The following SLC7A7 variants were observed in gnomAD, a reference collection of about 807,000 sequenced individuals.
SLC7A7 encodes the protein Y+L amino acid transporter 1.
Under a neutral mutation model 47.9 loss-of-function variants are expected in SLC7A7, and 39 were observed. The ratio of observed to expected loss-of-function variants is 0.81; its 90% CI spans 0.63 to 1.06. The LOEUF is 1.06. Among genes scored for constraint, SLC7A7 ranks in the 50% least tolerant of loss-of-function variants. The pLI is 0.00. For synonymous variants in SLC7A7, 234 were observed against 242.8 expected (o/e 0.96, Z 0.34); for missense variants, 588 against 632.0 (o/e 0.93, Z 0.75).
chr14:22,817,442 C>A (rs1462090358), upstream of SLC7A7, among the ~76,000 whole-genome samples: 2 of 152,146 alleles, frequency 1.3e-5, no homozygotes, highest in African/African-American at 4.8e-5. Context: ...TGGGTTCAAG[C>A]AATTCTCCTG....
intron 2 of SLC7A7, among the ~76,000 whole-genome samples, chr14:22,803,271 T>C (rs975065173): frequency 2.6e-5 from 4 of 151,636 alleles, no homozygotes; most frequent in African/African-American, 7.3e-5. Flanking sequence ...ATACCAAAAT[T>C]AGCCAGGCAC....
chr14:22,818,716 C>T (rs1412996704), upstream of SLC7A7, among the ~76,000 whole-genome samples: 1 of 151,868 alleles, frequency 6.6e-6, no homozygotes, highest in African/African-American at 2.4e-5. Context: ...GCCTCAGCCT[C>T]CCAAGTAGCT....
chr14:22,781,962 G>A (rs2038726677), intron 2 of SLC7A7, among the ~76,000 whole-genome samples: 1 of 152,228 alleles, frequency 6.6e-6, no homozygotes, highest in African/African-American at 2.4e-5. Flanking sequence ...CAGAGTCTGA[G>A]CTGTGTGCCA....
intron 6 of SLC7A7, 139 bp from the exon 7 acceptor site, chr14:22,775,679 G>A (rs2038588597): frequency 1.1e-6 from 1 of 934,402 alleles, no homozygotes. Flanking sequence ...TCAGTATTAA[G>A]ATTAATGACA....
Position 22,790,765 on chromosome 14 carries a change from G to A in SLC7A7, c.500-10714C>T, listed in dbSNP as rs530654254. Among the ~76,000 whole-genome samples, 5 of 152,140 alleles carry A rather than the reference G, an allele frequency of 3.3e-5. No individual in the cohort carries two copies. The East Asian group carries it at 5.8e-4, about 18-fold the overall frequency. ...CTGTAATCCCAGCACTTTGGGAGGCGGAGGCAGACGAATCACGAGTTCAAG... is the reference window on the plus strand; with the variant it reads ...CTGTAATCCCAGCACTTTGGGAGGCAGAGGCAGACGAATCACGAGTTCAAG... On this transcript the variant is annotated intron_variant, in intron 2 of 9. Transcript: ENST00000674313.
chr14:22,786,005 G>C (rs558230615), intron 2 of SLC7A7, among the ~76,000 whole-genome samples: 3 of 127,444 alleles, frequency 2.4e-5, no homozygotes, highest in African/African-American at 5.9e-5. Context: ...CTGGGCCACA[G>C]AGCGAGACTC....
intron 2 of SLC7A7, among the ~76,000 whole-genome samples, chr14:22,812,160 CT>C (rs59571216): frequency 0.34 from 51,173 of 149,862 alleles, 10,431 homozygotes; most frequent in Admixed American, 0.45. Flanking sequence ...AACTACACCT[CT>C]TTTTTTTTTA....
At chr14:22,781,473 T>C (rs1196066044) in intron 2 of SLC7A7, among the ~76,000 whole-genome samples, 1 of 152,198 alleles carries the variant, frequency 6.6e-6, no homozygotes, top group African/African-American at 2.4e-5. Flanking sequence ...TCCTGTCCTA[T>C]ATAAATGCTT....
intron 2 of SLC7A7, among the ~76,000 whole-genome samples, chr14:22,811,259 T>A (rs1198265464): frequency 1.3e-5 from 2 of 152,188 alleles, no homozygotes; most frequent in Non-Finnish European, 2.9e-5. Flanking sequence ...GGTGAGCCAA[T>A]GAGCAATTGC....
intron 2 of SLC7A7, among the ~76,000 whole-genome samples, chr14:22,804,148 T>C (rs1355334561): frequency 6.6e-6 from 1 of 152,160 alleles, no homozygotes; most frequent in Non-Finnish European, 1.5e-5. Context: ...TGCCTAGCCA[T>C]ATGCAGAAAA....
intron 2 of SLC7A7, among the ~76,000 whole-genome samples, chr14:22,799,610 A>G (rs2039078247): frequency 6.6e-6 from 1 of 151,576 alleles, no homozygotes; most frequent in Admixed American, 6.6e-5. Context: ...GCACACCACC[A>G]TGCCCGGCTA....
chr14:22,806,815 A>G (rs915922216), intron 2 of SLC7A7, among the ~76,000 whole-genome samples: 4 of 151,574 alleles, frequency 2.6e-5, no homozygotes, highest in African/African-American at 9.7e-5. Context: ...GTGGAAACCT[A>G]TGGGCAAGGC....
intron 4 of SLC7A7, 133 bp from the exon 5 acceptor site, chr14:22,776,451 T>G: frequency 2.6e-6 from 3 of 1,159,030 alleles, no homozygotes; most frequent in Non-Finnish European, 3.8e-6. Context: ...TCAATGCATT[T>G]GTCTTTGACG....
At chr14:22,804,705 A>G (rs1274406096) in intron 2 of SLC7A7, among the ~76,000 whole-genome samples, 1 of 152,210 alleles carries the variant, frequency 6.6e-6, no homozygotes, top group African/African-American at 2.4e-5. Context: ...TAAAAAGTCA[A>G]GAAACAGTCA....
intron 1 of SLC7A7, chr14:22,815,085 G>A (rs960353917): frequency 1.0e-4 from 36 of 345,402 alleles, no homozygotes; most frequent in South Asian, 3.8e-4. Context: ...CAGAGTTGCT[G>A]CTGGAGAGAT....
rs2038686500 is a variant in SLC7A7 at position 22,779,938 on chromosome 14, T to G, written c.613A>C (p.Arg205=). ...LIAVIVAGIV[R]LGQGASTHFE... ...TATTATTTCTTACCCTGGCCAAGTC[T>G]AACAATGCCTGCAACGATGACCGCG... is the stretch of plus-strand genomic sequence containing the variant. Residue 205 remains arginine, a synonymous_variant, in exon 3 of 10, where the codon AGA becomes CGA. Transcript: ENST00000674313. 1.9e-6 allele frequency: 3 copies of G among 1,614,188 alleles called. No individual in the cohort carries two copies.
At chr14:22,792,981 A>G (rs1172126897) in intron 2 of SLC7A7, among the ~76,000 whole-genome samples, 1 of 147,352 alleles carries the variant, frequency 6.8e-6, no homozygotes, top group African/African-American at 2.5e-5. Flanking sequence ...CAGTGGTGCG[A>G]TCTTGGCTCA....
chr14:22,795,438 C>CT (rs1286168660), intron 2 of SLC7A7, among the ~76,000 whole-genome samples: 20 of 112,074 alleles, frequency 1.8e-4, no homozygotes, highest in African/African-American at 6.8e-4. Context: ...TTCTTTCTTT[C>CT]TTTCTTTTCT....
intron 7 of SLC7A7, 86 bp from the exon 8 acceptor site, chr14:22,774,589 C>G (rs1177424804): frequency 1.3e-6 from 2 of 1,567,086 alleles, no homozygotes; most frequent in Non-Finnish European, 8.8e-7. Flanking sequence ...AGAAATCCAT[C>G]CCCTGTCAAT....
Sources: allele counts gnomAD v4.1 joint callset (sites outside exome capture counted in the v4.1 genomes callset), GRCh38; gene constraint gnomAD v4.1.1; transcripts MANE v1.5; gene names NCBI Gene and HGNC (gene_info 2026-07-23, HGNC 2026-07-21).